The following XPNPEP3 variants were observed in gnomAD, a reference collection of about 807,000 sequenced individuals.
The protein encoded by XPNPEP3 is X-prolyl aminopeptidase 3, also known as xaa-Pro aminopeptidase 3.
Under a neutral mutation model 60.0 loss-of-function variants are expected in XPNPEP3, and 41 were observed. The observed-to-expected ratio is 0.68, with a 90% CI of 0.53 to 0.89. XPNPEP3 has a LOEUF of 0.89. XPNPEP3 is among the 40% of genes least tolerant of loss of function. The pLI is 0.00. For synonymous variants in XPNPEP3, 212 were observed against 223.2 expected (o/e 0.95, Z 0.45); for missense variants, 598 against 638.9 (o/e 0.94, Z 0.69).
At chr22:40,882,212 A>G (rs889863662) in intron 3 of XPNPEP3, 35 bp downstream of exon 3, 1 of 1,612,568 alleles carries the variant, frequency 6.2e-7, no homozygotes, top group African/African-American at 1.3e-5. Flanking sequence ...ATTACAAACC[A>G]GATTGGGATT....
Position 40,857,179 on chromosome 22 carries a change from G to T in XPNPEP3, c.-3G>T, listed in dbSNP as rs780027320. 3.3e-5 allele frequency: 54 copies of T among 1,614,048 alleles called. No homozygotes were observed. Among genetic ancestry groups the T allele is most frequent in the Non-Finnish European group, 8.5e-6 (10 of 1,180,020 alleles). On this transcript the variant is annotated 5_prime_UTR_variant, in exon 1 of 10. Coordinates refer to ENST00000357137, the MANE Select transcript of XPNPEP3 (RefSeq NM_022098.4). ...CTCTTCCCGACGCGTGAGTTAGGCC[G>T]TAATGCCTTGGCTGCTCTCAGCCCC... is the stretch of plus-strand genomic sequence containing the variant.
Position 40,930,782 on chromosome 22 carries a change from G to C in XPNPEP3, c.*4347G>C, listed in dbSNP as rs902612358. 1.3e-5 allele frequency: 2 copies of C among 151,454 alleles called. No individual in the cohort carries two copies. Among genetic ancestry groups the C allele is most frequent in the Non-Finnish European group, 2.9e-5 (2 of 67,944 alleles). 9.4% of individuals were successfully genotyped at this position (151,454 alleles called of 1,614,324 possible). A position where few individuals can be genotyped will look rare whatever the true frequency, so the allele number is the denominator to read the frequency against. ...GGTTTCACCATCTTGGCCAGGCCAG[G>C]CTGGTCTTGATCTCCTGACCTTGTG... is the stretch of plus-strand genomic sequence containing the variant. On this transcript the variant is annotated 3_prime_UTR_variant, in exon 10 of 10. Coordinates refer to ENST00000357137, the MANE Select transcript of XPNPEP3 (RefSeq NM_022098.4).
At chr22:40,863,734 A>G (rs2057963649) in intron 1 of XPNPEP3, among the ~76,000 whole-genome samples, 1 of 152,262 alleles carries the variant, frequency 6.6e-6, no homozygotes, top group Non-Finnish European at 1.5e-5. Flanking sequence ...GCAAGTGCTC[A>G]TTTAACTGAC....
chr22:40,881,881 T>C lies in XPNPEP3; in HGVS notation c.293T>C (p.Val98Ala), dbSNP rs1286716266. ...QGQSGTDQTVVVLSNPTYYMS... is the reference protein window; with the variant it reads ...QGQSGTDQTVAVLSNPTYYMS... Reference sequence around the variant, plus strand: ...CAGAGTGGGACAGACCAGACAGTGGTTGTGCTCTCCAACCCTACATACTAC... The same window carrying C: ...CAGAGTGGGACAGACCAGACAGTGGCTGTGCTCTCCAACCCTACATACTAC... Residue 98 changes from valine to alanine, a missense_variant, in exon 3 of 10, where the codon GTT becomes GCT. Physicochemically the swap from Val to Ala is moderately conservative, Grantham distance 64. Coordinates refer to ENST00000357137, the MANE Select transcript of XPNPEP3 (RefSeq NM_022098.4). 1 of 1,614,090 alleles carries C rather than the reference T, an allele frequency of 6.2e-7. No homozygotes were observed. The highest frequency in any genetic ancestry group is 1.6e-4 in the Middle Eastern group (1 of 6,062).
chr22:40,895,685 T>C (rs1429247760), intron 4 of XPNPEP3, among the ~76,000 whole-genome samples: 17 of 152,152 alleles, frequency 1.1e-4, no homozygotes, highest in Non-Finnish European at 2.2e-4. Flanking sequence ...AATTGAATTA[T>C]AGACTTGAAC....
intron 7 of XPNPEP3, among the ~76,000 whole-genome samples, chr22:40,915,671 A>G (rs986995568): frequency 2.6e-5 from 4 of 152,180 alleles, no homozygotes; most frequent in African/African-American, 9.7e-5. Flanking sequence ...TTGATTTAAG[A>G]TATCAAATGA....
intron 2 of XPNPEP3, among the ~76,000 whole-genome samples, chr22:40,881,454 CT>C (rs1473611851): frequency 7.5e-6 from 1 of 133,362 alleles, no homozygotes; most frequent in East Asian, 2.0e-4. Context: ...GAAACTCTGT[CT>C]CAAAAAAAAA....
rs1601523847 is a variant in XPNPEP3 at position 40,926,512 on chromosome 22, G to A, written c.*77G>A. 3.3e-6 allele frequency: 5 copies of A among 1,512,414 alleles called. No individual in the cohort carries two copies. Among genetic ancestry groups the A allele is most frequent in the African/African-American group, 2.7e-5 (2 of 72,944 alleles). The allele number at this position is 1,512,414 out of a possible 1,614,324, so 93.7% of individuals were successfully genotyped here. On this transcript the variant is annotated 3_prime_UTR_variant, in exon 10 of 10. Transcript: ENST00000357137. Reference sequence around the variant, plus strand: ...AGCCCTGCACGTGTGCTTTCTGAGTGTCTCTGTGTGTGCATTAATATATGC... The same window carrying A: ...AGCCCTGCACGTGTGCTTTCTGAGTATCTCTGTGTGTGCATTAATATATGC...
chr22:40,914,034 T>TC (rs754486709), intron 6 of XPNPEP3, among the ~76,000 whole-genome samples: 1 of 151,512 alleles, frequency 6.6e-6, no homozygotes, highest in Non-Finnish European at 1.5e-5. Flanking sequence ...TCCCAGCTAC[T>TC]CGGAGGCTGA....
At chr22:40,900,482 T>A (rs537648267) in intron 4 of XPNPEP3, among the ~76,000 whole-genome samples, 1 of 152,076 alleles carries the variant, frequency 6.6e-6, no homozygotes, top group South Asian at 2.1e-4. Flanking sequence ...GGCGGGTGCC[T>A]GTAATCCCAG....
intron 1 of XPNPEP3, chr22:40,861,851 T>G (rs1465381674): frequency 6.2e-7 from 1 of 1,613,768 alleles, no homozygotes; most frequent in Non-Finnish European, 8.5e-7. Flanking sequence ...CCTCAGCTAC[T>G]TCTTTGAATT....
intron 4 of XPNPEP3, among the ~76,000 whole-genome samples, chr22:40,899,797 G>A (rs1175071305): frequency 7.2e-6 from 1 of 138,180 alleles, no homozygotes; most frequent in African/African-American, 2.7e-5. Context: ...CCAGCCTGGT[G>A]ACAGAGCGAG....
At chr22:40,862,086 T>G in intron 1 of XPNPEP3, 1 of 1,518,240 alleles carries the variant, frequency 6.6e-7, no homozygotes, top group South Asian at 1.4e-5. Flanking sequence ...ATAGAGGTAG[T>G]GACTGCAAAT....
intron 1 of XPNPEP3, chr22:40,861,314 C>G: frequency 1.2e-6 from 2 of 1,614,114 alleles, no homozygotes; most frequent in Non-Finnish European, 1.7e-6. Flanking sequence ...CTTCATTGGC[C>G]ACACTATTTA....
chr22:40,858,043 G>A (rs955574991), intron 1 of XPNPEP3, among the ~76,000 whole-genome samples: 2 of 152,166 alleles, frequency 1.3e-5, no homozygotes, highest in African/African-American at 4.8e-5. Flanking sequence ...TTGTTCTTCA[G>A]TTCTCATAGT....
In XPNPEP3 at chr22:40,899,589, A is replaced by C. The variant is rs1601509930; in HGVS notation, c.793-7998A>C. Among the ~76,000 whole-genome samples, 5 of 152,240 alleles carry C rather than the reference A, an allele frequency of 3.3e-5. No individual in the cohort carries two copies. In the South Asian group the frequency reaches 1.0e-3, roughly 32 times the overall value. On this transcript the variant is annotated intron_variant, in intron 4 of 9. Transcript: ENST00000357137. The stretch of plus-strand genomic sequence containing the variant: ...GTAATCCCAGCATTTTGGGAGGCCA[A>C]GGTAGGTGGATCACGAGGTCAAGAG...
At chr22:40,884,121 T>C (rs1033519409) in intron 3 of XPNPEP3, among the ~76,000 whole-genome samples, 6 of 152,206 alleles carry the variant, frequency 3.9e-5, no homozygotes, top group Admixed American at 2.6e-4. Flanking sequence ...AGAAATGTTT[T>C]CCATTTTATA....
intron 1 of XPNPEP3, among the ~76,000 whole-genome samples, chr22:40,858,632 A>G (rs2057920871): frequency 6.7e-6 from 1 of 148,574 alleles, no homozygotes; most frequent in Non-Finnish European, 1.5e-5. Flanking sequence ...CCCGAGTTCA[A>G]GCGATTCTCC....
chr22:40,861,734 G>A (rs759905288), intron 1 of XPNPEP3: 2 of 1,613,694 alleles, frequency 1.2e-6, no homozygotes, highest in African/African-American at 1.3e-5. Context: ...GGAATGTGAA[G>A]CCGTACTCAC....
Sources: gnomAD v4.1 joint callset for allele counts (sites outside exome capture counted in the v4.1 genomes callset) on GRCh38, gnomAD v4.1.1 for gene constraint, MANE v1.5 for transcripts, NCBI Gene and HGNC (gene_info 2026-07-23, HGNC 2026-07-21) for gene names.